The following RNF115 variants were observed in gnomAD, a reference collection of about 807,000 sequenced individuals.
The protein encoded by RNF115 is ring finger protein 115.
In RNF115, 31 loss-of-function variants were observed where a neutral mutation model predicts 39.2. The ratio of observed to expected loss-of-function variants is 0.79; its 90% CI spans 0.59 to 1.07. The LOEUF is 1.07. Among genes scored for constraint, RNF115 ranks in the 50% least tolerant of loss-of-function variants. The pLI, the probability that RNF115 is intolerant of heterozygous loss-of-function variation, is 0.00. For missense variants in RNF115, 384 were observed against 381.7 expected (o/e 1.01, Z -0.05); for synonymous variants, 124 against 131.0 (o/e 0.95, Z 0.37).
At position 145,813,677 on chromosome 1, in the gene RNF115, A is replaced by T. The variant is rs1455181185; in HGVS notation, c.102+10095T>A. 2.0e-5 allele frequency among the ~76,000 whole-genome samples: 3 copies of T among 152,118 alleles called. No individual in the cohort carries two copies. The East Asian group carries it at 5.8e-4, about 29-fold the overall frequency. On this transcript the variant is annotated intron_variant, in intron 1 of 8. Transcript: ENST00000582693. ...GTTCCTGTTCTAAACACTCTCTCCCATCAGAGGTTTGCCTAAAATTATACG... is the reference window on the plus strand; with the variant it reads ...GTTCCTGTTCTAAACACTCTCTCCCTTCAGAGGTTTGCCTAAAATTATACG...
chr1:145,806,634 T>C (rs1320311652), intron 1 of RNF115, among the ~76,000 whole-genome samples: 2 of 152,130 alleles, frequency 1.3e-5, no homozygotes, highest in Non-Finnish European at 2.9e-5. Context: ...GAATGAGTGA[T>C]GTGGTTGTTT....
intron 1 of RNF115, among the ~76,000 whole-genome samples, chr1:145,807,043 C>G (rs1649494427): frequency 6.6e-6 from 1 of 152,140 alleles, no homozygotes; most frequent in Non-Finnish European, 1.5e-5. Flanking sequence ...GACAACAGCC[C>G]AAGTACCTAG....
chr1:145,759,455 T>C (rs1294281097), intron 4 of RNF115, among the ~76,000 whole-genome samples: 7 of 152,198 alleles, frequency 4.6e-5, no homozygotes, highest in East Asian at 1.9e-4. Context: ...GCCAAAAACC[T>C]TGGTGTCATA....
intron 7 of RNF115, among the ~76,000 whole-genome samples, chr1:145,748,665 C>T (rs1243196795): frequency 6.6e-6 from 1 of 152,046 alleles, no homozygotes; most frequent in Non-Finnish European, 1.5e-5. Flanking sequence ...GCGGGTGGAT[C>T]ACGAGGTCAG....
chr1:145,749,129 G>C (rs972053387), intron 7 of RNF115, among the ~76,000 whole-genome samples: 1 of 152,080 alleles, frequency 6.6e-6, no homozygotes, highest in Non-Finnish European at 1.5e-5. Flanking sequence ...TAGTCTATAC[G>C]CCTAGTGGCT....
At chr1:145,806,077 G>A (rs1190696395) in intron 1 of RNF115, among the ~76,000 whole-genome samples, 3 of 152,168 alleles carry the variant, frequency 2.0e-5, no homozygotes, top group Admixed American at 2.0e-4. Flanking sequence ...TCCAGGCACA[G>A]TGGCTCACGA....
chr1:145,794,859 T>C (rs1553719668), intron 1 of RNF115, among the ~76,000 whole-genome samples: 1 of 151,440 alleles, frequency 6.6e-6, no homozygotes, highest in East Asian at 1.9e-4. Flanking sequence ...CTACTAAAAA[T>C]ACAAAAAATT....
chr1:145,768,040 C>G (rs1366745497), intron 4 of RNF115, among the ~76,000 whole-genome samples: 1 of 152,304 alleles, frequency 6.6e-6, no homozygotes, highest in Admixed American at 6.5e-5. Context: ...TTCATCTTAC[C>G]CCTGAGAAAC....
rs587600048 is a variant in RNF115 at position 145,767,046 on chromosome 1, C to T, written c.428+4665G>A. Among the ~76,000 whole-genome samples, 35 of 134,648 alleles carry T rather than the reference C, an allele frequency of 2.6e-4. 1 individual carries two copies. The highest frequency in any genetic ancestry group is 7.7e-4 in the African/African-American group (26 of 33,612). 88.3% of individuals were successfully genotyped at this position (134,648 alleles called of 152,430 possible). The stretch of plus-strand genomic sequence containing the variant: ...GCAGAGGCGCCCCTCACCTCCCGGA[C>T]GGGGCGGCTGGCAGGGCAGGGGGCT... On this transcript the variant is annotated intron_variant, in intron 4 of 8. Coordinates refer to ENST00000582693, the MANE Select transcript of RNF115 (RefSeq NM_014455.4).
intron 4 of RNF115, among the ~76,000 whole-genome samples, chr1:145,767,846 G>A (rs1425466885): frequency 1.3e-5 from 2 of 152,230 alleles, no homozygotes; most frequent in Admixed American, 6.5e-5. Context: ...GGCGGCGCGC[G>A]CCCGCAATCG....
At chr1:145,800,983 A>AC (rs1378495608) in intron 1 of RNF115, among the ~76,000 whole-genome samples, 3 of 152,084 alleles carry the variant, frequency 2.0e-5, no homozygotes, top group Non-Finnish European at 4.4e-5. Flanking sequence ...ATCCTGGCTA[A>AC]CACGGTGAAA....
chr1:145,775,116 AAGCACCTGATGTTCC>A (rs1647820613), intron 3 of RNF115, among the ~76,000 whole-genome samples: 2 of 152,108 alleles, frequency 1.3e-5, no homozygotes. Context: ...GTGTGGTAGC[AAGCACCTGATGTTCC>A]AGCTACTCGG....
intron 3 of RNF115, 35 bp downstream of exon 3, chr1:145,784,504 T>C: frequency 6.3e-7 from 1 of 1,589,440 alleles, no homozygotes; most frequent in Non-Finnish European, 8.6e-7. Flanking sequence ...CCTAACCACT[T>C]CTTAAAGAAT....
At chr1:145,794,136 G>A (rs1416752317) in intron 1 of RNF115, among the ~76,000 whole-genome samples, 7 of 152,114 alleles carry the variant, frequency 4.6e-5, no homozygotes, top group African/African-American at 7.2e-5. Flanking sequence ...GAGCCACCAC[G>A]CCCAGCCCGA....
rs1657672385 is a variant in RNF115 at position 145,740,869 on chromosome 1, T to C, written c.*5997A>G. 1 of 152,138 alleles carries C rather than the reference T, an allele frequency of 6.6e-6. No homozygotes were observed. The highest frequency in any genetic ancestry group is 2.4e-5 in the African/African-American group (1 of 41,420). 9.4% of individuals were successfully genotyped at this position (152,138 alleles called of 1,614,324 possible). A position where few individuals can be genotyped will look rare whatever the true frequency, so the allele number is the denominator to read the frequency against. On this transcript the variant is annotated 3_prime_UTR_variant, in exon 9 of 9. Coordinates refer to ENST00000582693, the MANE Select transcript of RNF115 (RefSeq NM_014455.4). Reference sequence around the variant, plus strand: ...TGGGGGTTTTTGTTTTGAGACAGGGTCTCTCTCTGTTGCCCTGGAGTGCAG... The same window carrying C: ...TGGGGGTTTTTGTTTTGAGACAGGGCCTCTCTCTGTTGCCCTGGAGTGCAG...
chr1:145,816,373 T>C, intron 1 of RNF115, among the ~76,000 whole-genome samples: 1 of 36,734 alleles, frequency 2.7e-5, no homozygotes, highest in East Asian at 5.5e-4. Context: ...CTAGTCACCA[T>C]GCCCGGCCCT....
At chr1:145,823,731 A>T (rs1650425205) in intron 1 of RNF115, 41 bp downstream of exon 1, 1 of 1,416,302 alleles carries the variant, frequency 7.1e-7, no homozygotes, top group African/African-American at 1.5e-5. Context: ...GGGGCCAGGA[A>T]TCTATGAGGT....
intron 4 of RNF115, among the ~76,000 whole-genome samples, chr1:145,766,127 C>A (rs1276768778): frequency 6.6e-6 from 1 of 152,012 alleles, no homozygotes; most frequent in Non-Finnish European, 1.5e-5. Context: ...TTTTCCTAGG[C>A]AGAGGACCCT....
At chr1:145,801,994 C>T (rs922474611) in intron 1 of RNF115, among the ~76,000 whole-genome samples, 1 of 152,052 alleles carries the variant, frequency 6.6e-6, no homozygotes, top group Non-Finnish European at 1.5e-5. Flanking sequence ...TGCCATGTTG[C>T]CCAAGCTAGT....
Sources: allele counts gnomAD v4.1 joint callset (sites outside exome capture counted in the v4.1 genomes callset), GRCh38; gene constraint gnomAD v4.1.1; transcripts MANE v1.5; gene names NCBI Gene and HGNC (gene_info 2026-07-23, HGNC 2026-07-21).